The following MTUS1 variants were observed in gnomAD, a reference collection of about 807,000 sequenced individuals.
MTUS1 encodes microtubule-associated tumor suppressor 1.
A neutral mutation model predicts 120.8 loss-of-function variants in MTUS1; 109 were observed. The ratio of observed to expected loss-of-function variants is 0.90; its 90% CI spans 0.77 to 1.06. The LOEUF (loss-of-function observed/expected upper bound fraction) is 1.06. Among genes scored for constraint, MTUS1 ranks in the 50% least tolerant of loss-of-function variants. The pLI is 0.00. For missense variants in MTUS1, 2,210 were observed against 1,486.3 expected, an observed-to-expected ratio of 1.49 and a Z score of -8.01; for synonymous variants, 737 against 550.5, an observed-to-expected ratio of 1.34 and a Z score of -4.74.
chr8:17,678,199 G>C (rs1813507687), intron 7 of MTUS1, among the ~76,000 whole-genome samples: 2 of 152,152 alleles, frequency 1.3e-5, no homozygotes, highest in South Asian at 4.1e-4. Context: ...TTTACTTGTA[G>C]ATGATAAAAT....
intron 6 of MTUS1, 95 bp downstream of exon 6, chr8:17,713,119 A>C (rs1821657314): frequency 9.9e-7 from 1 of 1,014,930 alleles, no homozygotes; most frequent in African/African-American, 1.6e-5. Flanking sequence ...AATTCTACTT[A>C]TAAGCACACC....
intron 6 of MTUS1, among the ~76,000 whole-genome samples, chr8:17,710,162 G>A (rs1585863953): frequency 6.6e-6 from 1 of 152,298 alleles, no homozygotes; most frequent in African/African-American, 2.4e-5. Context: ...GGTTGCTGAA[G>A]GTTTGGGTGG....
At chr8:17,733,286 G>A (rs1158550397) in intron 3 of MTUS1, among the ~76,000 whole-genome samples, 1 of 151,830 alleles carries the variant, frequency 6.6e-6, no homozygotes, top group Non-Finnish European at 1.5e-5. Context: ...GGGAGGTGGA[G>A]GTTGCAGTGA....
chr8:17,769,941 G>A (rs1330886251), intron 1 of MTUS1, among the ~76,000 whole-genome samples: 1 of 148,778 alleles, frequency 6.7e-6, no homozygotes, highest in African/African-American at 2.5e-5. Context: ...GGGGGTTGGG[G>A]GGGAAGCACT....
At chr8:17,657,469 G>A (rs1021873608) in intron 8 of MTUS1, among the ~76,000 whole-genome samples, 1 of 150,280 alleles carries the variant, frequency 6.7e-6, no homozygotes, top group Non-Finnish European at 1.5e-5. Context: ...TTGGGAGGCT[G>A]AGGCAGGAGA....
intron 8 of MTUS1, among the ~76,000 whole-genome samples, chr8:17,665,382 T>A (rs950897223): frequency 6.6e-6 from 1 of 152,222 alleles, no homozygotes; most frequent in Non-Finnish European, 1.5e-5. Context: ...TAAAACTCAG[T>A]TCATACTTTA....
At chr8:17,668,232 C>T (rs1268479464) in intron 8 of MTUS1, among the ~76,000 whole-genome samples, 8 of 152,020 alleles carry the variant, frequency 5.3e-5, no homozygotes, top group Admixed American at 3.9e-4. Context: ...TTTTTCTTTT[C>T]GTCATCAGCT....
intron 4 of MTUS1, chr8:17,723,385 G>C (rs2045972190): frequency 1.1e-5 from 5 of 442,942 alleles, no homozygotes; most frequent in South Asian, 7.5e-5. Context: ...ATTCCAGTTA[G>C]AGTCCAAATC....
chr8:17,704,556 C>A (rs1208020333), intron 6 of MTUS1, among the ~76,000 whole-genome samples: 1 of 152,122 alleles, frequency 6.6e-6, no homozygotes, highest in South Asian at 2.1e-4. Flanking sequence ...ATTCTTGGCA[C>A]ACTTGCTGAA....
At chr8:17,773,307 A>G (rs1399366116) in intron 1 of MTUS1, among the ~76,000 whole-genome samples, 1 of 152,176 alleles carries the variant, frequency 6.6e-6, no homozygotes, top group Non-Finnish European at 1.5e-5. Context: ...AGAGTCTTCA[A>G]GAGTCATGCT....
At chr8:17,798,425 C>CG (rs1486818179) in intron 1 of MTUS1, among the ~76,000 whole-genome samples, 2 of 151,950 alleles carry the variant, frequency 1.3e-5, no homozygotes, top group African/African-American at 4.8e-5. Flanking sequence ...CTCCACCTCC[C>CG]GGGTTCAAGC....
chr8:17,682,918 AAAAAAAC>A (rs1357169509), intron 7 of MTUS1, among the ~76,000 whole-genome samples: 1 of 96,252 alleles, frequency 1.0e-5, no homozygotes, highest in Non-Finnish European at 2.4e-5. Flanking sequence ...CTTCCCCTCA[AAAAAAAC>A]AAAAACAAAA....
chr8:17,700,266 C>T (rs1459622528), intron 6 of MTUS1, among the ~76,000 whole-genome samples: 1 of 151,740 alleles, frequency 6.6e-6, no homozygotes, highest in African/African-American at 2.4e-5. Flanking sequence ...GTCAGAAGTT[C>T]AAGACCAGCC....
chr8:17,756,022 GGTTTCAATCACTAAGTGATTA>G (rs1334399438), intron 1 of MTUS1, 61 bp from the exon 2 acceptor site: 132 of 1,048,768 alleles, frequency 1.3e-4, no homozygotes, highest in Middle Eastern at 3.4e-4. Context: ...GCCACCCCTT[GGTTTCAATCACTAAGTGATTA>G]GTTTCAATCA....
chr8:17,696,846 G>T (rs1563220188), intron 6 of MTUS1, among the ~76,000 whole-genome samples: 1 of 152,172 alleles, frequency 6.6e-6, no homozygotes, highest in Admixed American at 6.5e-5. Flanking sequence ...ATCTGACTGA[G>T]AAACTATCCA....
chr8:17,724,852 G>C (rs1360391804), intron 3 of MTUS1, among the ~76,000 whole-genome samples: 1 of 152,118 alleles, frequency 6.6e-6, no homozygotes, highest in African/African-American at 2.4e-5. Flanking sequence ...GGCTACTCAT[G>C]TTTTAAAGTA....
At chr8:17,692,414 G>T (rs12544256) in intron 6 of MTUS1, among the ~76,000 whole-genome samples, 43,191 of 151,982 alleles carry the variant, frequency 0.28, 7,257 homozygotes, top group Middle Eastern at 0.38. Context: ...CAGAGATGAG[G>T]ATTCCTGACA....
At chr8:17,745,707 C>T (rs912224803) in intron 2 of MTUS1, among the ~76,000 whole-genome samples, 3 of 152,228 alleles carry the variant, frequency 2.0e-5, no homozygotes, top group African/African-American at 4.8e-5. Flanking sequence ...ACACATCGAA[C>T]GTTAATAACT....
In MTUS1 at chr8:17,755,121, T is replaced by C; in HGVS notation, c.687A>G (p.Glu229=). Residue 229 remains glutamate (E), a synonymous_variant, in exon 2 of 15, where the codon GAA becomes GAG. Transcript: ENST00000693296. ...CTTCTGATGGTGTGACTTGAGGGTTTTCAAAGCTTTCTCTATCATAAGTAG... is the reference window on the plus strand; with the variant it reads ...CTTCTGATGGTGTGACTTGAGGGTTCTCAAAGCTTTCTCTATCATAAGTAG... ...RETTYDRESF[E]NPQVTPSEAQ... is the part of the protein sequence containing the mutation. The C allele has an allele frequency of 6.2e-7, 1 of 1,614,110 alleles. No individual in the cohort carries two copies. Among genetic ancestry groups the C allele is most frequent in the South Asian group, 1.1e-5 (1 of 91,084 alleles).
Sources: gnomAD v4.1 joint callset for allele counts (sites outside exome capture counted in the v4.1 genomes callset) on GRCh38, gnomAD v4.1.1 for gene constraint, MANE v1.5 for transcripts, NCBI Gene and HGNC (gene_info 2026-07-23, HGNC 2026-07-21) for gene names.